The following ESCO2 variants were observed in gnomAD, a reference collection of about 807,000 sequenced individuals.
ESCO2 encodes establishment of sister chromatid cohesion N-acetyltransferase 2.
In ESCO2, 51 loss-of-function variants were observed where a neutral mutation model predicts 61.7. That is an observed-to-expected ratio of 0.83 (90% CI 0.66 to 1.04). ESCO2 has a LOEUF of 1.04. Ranked by LOEUF, ESCO2 falls within the 50% of genes least tolerant of loss-of-function variation. The pLI is 0.00. For synonymous variants in ESCO2, 230 were observed against 238.2 expected (o/e 0.97, Z 0.32); for missense variants, 692 against 686.2 (o/e 1.01, Z -0.09).
At chr8:27,783,623 A>G (rs1415046417) in intron 4 of ESCO2, among the ~76,000 whole-genome samples, 3 of 152,242 alleles carry the variant, frequency 2.0e-5, no homozygotes, top group East Asian at 3.9e-4. Flanking sequence ...ATTTTTTTAC[A>G]GAGACACAGT....
At chr8:27,808,130 A>G (rs921012628), downstream of ESCO2, 11 of 627,428 alleles carry the variant, frequency 1.8e-5, no homozygotes, top group African/African-American at 8.0e-5. Flanking sequence ...TTTTTTATAT[A>G]TAGTTTTTAT....
chr8:27,791,743 A>G (rs1805180367), intron 7 of ESCO2, among the ~76,000 whole-genome samples: 1 of 152,170 alleles, frequency 6.6e-6, no homozygotes, highest in African/African-American at 2.4e-5. Flanking sequence ...TTTTATAGTC[A>G]TATACATGTC....
downstream of ESCO2, chr8:27,810,247 G>T (rs1805644923): frequency 1.7e-6 from 2 of 1,160,266 alleles, no homozygotes; most frequent in Non-Finnish European, 1.3e-6. Flanking sequence ...TAGTAACTAT[G>T]TAAATATTTT....
At chr8:27,810,030 C>A, downstream of ESCO2, 1 of 368,518 alleles carries the variant, frequency 2.7e-6, no homozygotes, top group Non-Finnish European at 4.9e-6. Flanking sequence ...TTACAGTTTA[C>A]AGCGTTTTAC....
At chr8:27,811,875 G>T (rs4732759), downstream of ESCO2, 2 of 151,932 alleles carry the variant, frequency 1.3e-5, no homozygotes, top group African/African-American at 4.8e-5. Flanking sequence ...TATTTATTCC[G>T]AAATATTTTG....
At chr8:27,772,771 C>T (rs1338799501), upstream of ESCO2, 8 of 555,932 alleles carry the variant, frequency 1.4e-5, no homozygotes, top group Middle Eastern at 4.7e-4. Flanking sequence ...GGGAAAGAGG[C>T]TGGGCATCTT....
chr8:27,785,153 C>A (rs751264308), intron 5 of ESCO2, among the ~76,000 whole-genome samples: 2 of 152,178 alleles, frequency 1.3e-5, no homozygotes, highest in African/African-American at 4.8e-5. Flanking sequence ...GATCCCATGG[C>A]GGAAGGCAGA....
chr8:27,772,229 G>A (rs867200473), upstream of ESCO2, among the ~76,000 whole-genome samples: 5 of 152,360 alleles, frequency 3.3e-5, no homozygotes, highest in African/African-American at 1.2e-4. Context: ...CCCAATCCCA[G>A]GGAGTGACGG....
Position 27,804,665 on chromosome 8 carries a change from T to A in ESCO2, c.*1227T>A. 1.0e-6 allele frequency: 1 copy of A among 985,450 alleles called. No homozygotes were observed. Among genetic ancestry groups the A allele is most frequent in the South Asian group, 4.7e-5 (1 of 21,290 alleles). 61.0% of individuals were successfully genotyped at this position (985,450 alleles called of 1,614,324 possible). A position where few individuals can be genotyped will look rare whatever the true frequency, so the allele number is the denominator to read the frequency against. On this transcript the variant is annotated 3_prime_UTR_variant, in exon 11 of 11. Transcript: ENST00000305188. ...AGTCGTTTTCCAGATTGTAATTATATGTAGAAACTATTCATCTGCATTCAT... is the reference window on the plus strand; with the variant it reads ...AGTCGTTTTCCAGATTGTAATTATAAGTAGAAACTATTCATCTGCATTCAT...
Position 27,803,903 on chromosome 8 carries a change from AATTTTTTTTTTTTTT to A in ESCO2, c.*466_*480del. 1.0e-6 allele frequency: 1 copy of A among 982,694 alleles called. No homozygotes were observed. The highest frequency in any genetic ancestry group is 1.2e-6 in the Non-Finnish European group (1 of 833,424). The allele number at this position is 982,694 out of a possible 1,614,324, so 60.9% of individuals were successfully genotyped here. On this transcript the variant is annotated 3_prime_UTR_variant, in exon 11 of 11. Transcript: ENST00000305188. ...GCCCAATTTGTAAAGGGAATTCCTG[AATTTTTTTTTTTTTT>A]TAATAGAGGCATGGGTCTCACTGTG...
chr8:27,789,428 T>G (rs17057870), intron 7 of ESCO2, among the ~76,000 whole-genome samples: 21,239 of 152,152 alleles, frequency 0.14, 1,778 homozygotes, highest in East Asian at 0.34. Context: ...TTTTAGCCTG[T>G]TTATTGAAAT....
At chr8:27,798,011 C>T (rs759624346) in intron 9 of ESCO2, among the ~76,000 whole-genome samples, 9 of 152,170 alleles carry the variant, frequency 5.9e-5, no homozygotes, top group Non-Finnish European at 1.3e-4. Context: ...TAATTAAAAA[C>T]TAAATACACA....
chr8:27,776,522 A>T lies in ESCO2; in HGVS notation c.214A>T (p.Asn72Tyr), dbSNP rs536977867. The T allele has an allele frequency of 6.2e-7, 1 of 1,614,010 alleles. No individual in the cohort carries two copies. The highest frequency in any genetic ancestry group is 8.5e-7 in the Non-Finnish European group (1 of 1,180,018). Residue 72 changes from asparagine to tyrosine, a missense_variant, in exon 3 of 11, where the codon AAT becomes TAT. Transcript: ENST00000305188. ...TGAAATAAATAGACTGCCATCAGCA[A>T]ATCAAGGCTCACCATTTAAATCTGC... ...TTEINRLPSA[N>Y]QGSPFKSALS...
intron 9 of ESCO2, among the ~76,000 whole-genome samples, chr8:27,795,975 G>A (rs1240092817): frequency 6.8e-6 from 1 of 147,340 alleles, no homozygotes; most frequent in Non-Finnish European, 1.5e-5. Context: ...AAATGACTTT[G>A]GAGGTATTCT....
rs1805504055 is a variant in ESCO2 at position 27,803,643 on chromosome 8, A to T, written c.*205A>T. Reference sequence around the variant, plus strand: ...TAAATTTGTTGAAAATTATCTGGGGATTCAAAGGAAAAATCTTTGGGTGAT... The same window carrying T: ...TAAATTTGTTGAAAATTATCTGGGGTTTCAAAGGAAAAATCTTTGGGTGAT... On this transcript the variant is annotated 3_prime_UTR_variant, in exon 11 of 11. Coordinates refer to ENST00000305188, the MANE Select transcript of ESCO2 (RefSeq NM_001017420.3). The T allele has an allele frequency of 7.4e-6, 10 of 1,351,432 alleles. No individual in the cohort carries two copies. The highest frequency in any genetic ancestry group is 9.5e-6 in the Non-Finnish European group (10 of 1,057,514). The allele number at this position is 1,351,432 out of a possible 1,614,324, so 83.7% of individuals were successfully genotyped here. A position where few individuals can be genotyped will look rare whatever the true frequency, so the allele number is the denominator to read the frequency against.
At chr8:27,780,120 A>G (rs887105426) in intron 3 of ESCO2, 54 bp from the exon 4 acceptor site, 8 of 1,079,234 alleles carry the variant, frequency 7.4e-6, no homozygotes, top group African/African-American at 4.7e-5. Context: ...TTCATTCACT[A>G]GAAAATAGTT....
At chr8:27,814,447 A>T (rs1805771894), downstream of ESCO2, among the ~76,000 whole-genome samples, 1 of 152,004 alleles carries the variant, frequency 6.6e-6, no homozygotes, top group African/African-American at 2.4e-5. Context: ...AAAGCTTTAT[A>T]TATTTCATTA....
At chr8:27,784,695 A>G (rs950748048) in intron 5 of ESCO2, among the ~76,000 whole-genome samples, 1 of 152,176 alleles carries the variant, frequency 6.6e-6, no homozygotes, top group African/African-American at 2.4e-5. Flanking sequence ...GGAGGCATGG[A>G]TGGGTAGAGA....
downstream of ESCO2, chr8:27,810,374 G>A (rs1267339930): frequency 1.9e-6 from 3 of 1,610,044 alleles, no homozygotes; most frequent in Admixed American, 3.3e-5. Context: ...CTTCATTAGT[G>A]CATACAGAGA....
Sources: gnomAD v4.1 joint callset for allele counts (sites outside exome capture counted in the v4.1 genomes callset) on GRCh38, gnomAD v4.1.1 for gene constraint, MANE v1.5 for transcripts, NCBI Gene and HGNC (gene_info 2026-07-23, HGNC 2026-07-21) for gene names.